Variants in CAMTA1 observed in about 807,000 individuals in gnomAD.
The protein encoded by CAMTA1 is calmodulin binding transcription activator 1.
A neutral mutation model predicts 170.9 loss-of-function variants in CAMTA1; 27 were observed. That is an observed-to-expected ratio of 0.16 (90% CI 0.12 to 0.22). The LOEUF (loss-of-function observed/expected upper bound fraction) is 0.22. Ranked by LOEUF, CAMTA1 falls within the 10% of genes least tolerant of loss-of-function variation. CAMTA1 has a pLI of 1.00. For missense variants in CAMTA1, 1,619 were observed against 2,217.2 expected (o/e 0.73, Z 5.42); for synonymous variants, 833 against 891.5 (o/e 0.93, Z 1.17).
At chr1:7,135,509 G>A (rs1410882873) in intron 4 of CAMTA1, among the ~76,000 whole-genome samples, 2 of 152,332 alleles carry the variant, frequency 1.3e-5, no homozygotes, top group African/African-American at 4.8e-5. Flanking sequence ...GTGGAAAGCA[G>A]TTTGGAGACC....
Position 7,677,645 on chromosome 1 carries a change from G to A in CAMTA1, c.2826G>A (p.Gln942=). The A allele has an allele frequency of 1.2e-6, 2 of 1,614,138 alleles. No individual in the cohort carries two copies. The highest frequency in any genetic ancestry group is 1.3e-5 in the African/African-American group (1 of 75,054). Residue 942 remains glutamine (Q), a synonymous_variant, in exon 11 of 23, where the codon CAG becomes CAA. Transcript: ENST00000303635. The stretch of plus-strand genomic sequence containing the variant: ...CCCTACAAGTTGCCTTCAACAACCA[G>A]ATCATCTCCAACTCGGTGGTGTTTG... The part of the protein sequence containing the change: ...LVTLQVAFNN[Q]IISNSVVFEY...
At chr1:6,916,988 G>A (rs1039254696) in intron 3 of CAMTA1, among the ~76,000 whole-genome samples, 1 of 152,174 alleles carries the variant, frequency 6.6e-6, no homozygotes, top group Non-Finnish European at 1.5e-5. Flanking sequence ...TAGTCTGTGT[G>A]GGGTGGGTCA....
At chr1:7,288,355 G>A (rs1000006806) in intron 5 of CAMTA1, among the ~76,000 whole-genome samples, 19 of 152,164 alleles carry the variant, frequency 1.2e-4, no homozygotes, top group African/African-American at 4.3e-4. Flanking sequence ...TTGCATTGTG[G>A]TTATTTAATT....
chr1:6,954,226 C>T (rs1429356326), intron 3 of CAMTA1, among the ~76,000 whole-genome samples: 1 of 152,184 alleles, frequency 6.6e-6, no homozygotes, highest in Non-Finnish European at 1.5e-5. Flanking sequence ...TTGAGCAGGC[C>T]ATGGTTAAGG....
intron 6 of CAMTA1, among the ~76,000 whole-genome samples, chr1:7,515,606 T>C (rs7529399): frequency 0.24 from 37,045 of 151,964 alleles, 5,096 homozygotes; most frequent in Non-Finnish European, 0.31. Flanking sequence ...GGATGACTTC[T>C]CCCTACACCC....
chr1:6,867,293 C>T (rs1557728514), intron 3 of CAMTA1, among the ~76,000 whole-genome samples: 1 of 151,938 alleles, frequency 6.6e-6, no homozygotes, highest in Non-Finnish European at 1.5e-5. Flanking sequence ...GGATAAAATA[C>T]TAGGTAGAAA....
At chr1:7,652,352 T>C (rs573209530) in intron 7 of CAMTA1, among the ~76,000 whole-genome samples, 120 of 152,158 alleles carry the variant, frequency 7.9e-4, no homozygotes, top group Non-Finnish European at 1.4e-3. Context: ...CAAGTCCCCA[T>C]CAGGCCCTGC....
intron 3 of CAMTA1, among the ~76,000 whole-genome samples, chr1:6,974,698 A>C (rs1226701031): frequency 1.3e-5 from 2 of 152,170 alleles, no homozygotes; most frequent in East Asian, 3.9e-4. Context: ...GTGCATCCAG[A>C]CTGGGGTTTC....
chr1:7,064,083 C>T lies in CAMTA1; in HGVS notation c.235-27221C>T, dbSNP rs960861441. Among the ~76,000 whole-genome samples, 2 of 151,626 alleles carry T rather than the reference C, an allele frequency of 1.3e-5. No homozygotes were observed. Among genetic ancestry groups the T allele is most frequent in the African/African-American group, 4.8e-5 (2 of 41,242 alleles). ...GCCTTCACCTTCTCCTCCTCCTCCT[C>T]CTCCTTCTTCTCCTCCTTCTCTCCT... On this transcript the variant is annotated intron_variant, in intron 3 of 22. Coordinates refer to ENST00000303635, the MANE Select transcript of CAMTA1 (RefSeq NM_015215.4). The surrounding 1 kb of genome is among the most constrained non-coding windows in gnomAD (Gnocchi z 5.4).
intron 5 of CAMTA1, among the ~76,000 whole-genome samples, chr1:7,387,701 G>C (rs2088171498): frequency 6.6e-6 from 1 of 152,218 alleles, no homozygotes; most frequent in African/African-American, 2.4e-5. Flanking sequence ...AAAAATGATA[G>C]TGGGAGTTTG....
intron 3 of CAMTA1, among the ~76,000 whole-genome samples, chr1:7,028,029 C>T (rs372665904): frequency 6.6e-6 from 1 of 152,036 alleles, no homozygotes; most frequent in East Asian, 1.9e-4. Context: ...CTCAGCCTCC[C>T]GAGTAGCTGG....
chr1:7,647,125 G>A (rs1432547091), intron 7 of CAMTA1, among the ~76,000 whole-genome samples: 1 of 152,188 alleles, frequency 6.6e-6, no homozygotes, highest in Non-Finnish European at 1.5e-5. Context: ...GCTCAGGCTG[G>A]GAGAGGTCGC....
At position 7,680,684 on chromosome 1, in the gene CAMTA1, C is replaced by T. The variant is rs909051231; in HGVS notation, c.2914+2951C>T. Among the ~76,000 whole-genome samples the T allele has an allele frequency of 1.3e-5, 2 of 152,066 alleles. No homozygotes were observed. The highest frequency in any genetic ancestry group is 2.9e-5 in the Non-Finnish European group (2 of 67,990). On this transcript the variant is annotated intron_variant, in intron 11 of 22. Transcript: ENST00000303635. This position sits in a 1 kb window ranked among gnomAD's most constrained non-coding sequence, Gnocchi z 4.4. ...CCCTGGCTCCCTCGTTCGGTGGCCT[C>T]TGCTGCATGTGGGATGCGCCCTTTG...
At chr1:7,290,208 G>T (rs1672923753) in intron 5 of CAMTA1, among the ~76,000 whole-genome samples, 1 of 152,214 alleles carries the variant, frequency 6.6e-6, no homozygotes, top group Non-Finnish European at 1.5e-5. Flanking sequence ...ACATGGCCTG[G>T]CAGAGGGAAG....
rs1448673718 is a variant in CAMTA1, at chr1:7,540,824, AT to A, written c.510+72925del. Among the ~76,000 whole-genome samples the A allele has an allele frequency of 2.0e-5, 3 of 152,220 alleles. No homozygotes were observed. In the East Asian group the frequency reaches 5.8e-4, roughly 29 times the overall value. ...CCAAAACCTGAAACTCTGGTCCTTG[AT>A]TAATTGACTCAATCATAGAGGCTTT... On this transcript the variant is annotated intron_variant, in intron 6 of 22. Transcript: ENST00000303635.
chr1:7,473,487 G>C (rs918162027), intron 6 of CAMTA1, among the ~76,000 whole-genome samples: 1 of 152,224 alleles, frequency 6.6e-6, no homozygotes, highest in Non-Finnish European at 1.5e-5. Flanking sequence ...AGGCCCTAGA[G>C]AAGCCACTTC....
At chr1:7,595,364 C>G (rs182400733) in intron 6 of CAMTA1, among the ~76,000 whole-genome samples, 8 of 152,334 alleles carry the variant, frequency 5.3e-5, no homozygotes, top group African/African-American at 1.7e-4. Context: ...TTTAATGGAG[C>G]ATTGAGAAGC....
At chr1:7,473,570 T>G (rs1052170495) in intron 6 of CAMTA1, among the ~76,000 whole-genome samples, 13 of 152,216 alleles carry the variant, frequency 8.5e-5, no homozygotes, top group African/African-American at 3.1e-4. Context: ...CCTATAGGCC[T>G]CAGCCCAGGC....
chr1:7,499,353 A>G (rs1349156995), intron 6 of CAMTA1, among the ~76,000 whole-genome samples: 2 of 129,030 alleles, frequency 1.6e-5, no homozygotes, highest in Non-Finnish European at 3.2e-5. Context: ...GGATTGTGTG[A>G]GCCTGGTGTG....
Sources: allele counts gnomAD v4.1 joint callset (sites outside exome capture counted in the v4.1 genomes callset), GRCh38; gene constraint gnomAD v4.1.1; non-coding constraint Gnocchi (gnomAD v3.1); transcripts MANE v1.5; gene names NCBI Gene and HGNC (gene_info 2026-07-23, HGNC 2026-07-21).